The following PTPRN2 variants were observed in gnomAD, a reference collection of about 807,000 sequenced individuals.
PTPRN2 encodes the protein receptor-type tyrosine-protein phosphatase N2.
In PTPRN2, 74 loss-of-function variants were observed where a neutral mutation model predicts 118.8. The ratio of observed to expected loss-of-function variants is 0.62; its 90% CI spans 0.52 to 0.76. The LOEUF (loss-of-function observed/expected upper bound fraction) is 0.76, where lower values mean the gene tolerates loss of function less well. Ranked by LOEUF, PTPRN2 falls within the 30% of genes least tolerant of loss-of-function variation. The probability of loss-of-function intolerance (pLI) is 0.00; values close to 1 mark genes in which losing one functional copy is unlikely to be tolerated. For missense variants in PTPRN2, 1,481 were observed against 1,394.4 expected, an observed-to-expected ratio of 1.06 and a Z score of -0.99; for synonymous variants, 641 against 608.0, an observed-to-expected ratio of 1.05 and a Z score of -0.80.
chr7:157,927,832 G>C (rs960522875), intron 11 of PTPRN2, among the ~76,000 whole-genome samples: 4 of 152,116 alleles, frequency 2.6e-5, no homozygotes, highest in African/African-American at 9.7e-5. Context: ...AGGCTGAGCA[G>C]ACTGGGATGT....
intron 5 of PTPRN2, among the ~76,000 whole-genome samples, chr7:158,190,152 C>T (rs1198080150): frequency 2.0e-5 from 3 of 152,200 alleles, no homozygotes; most frequent in African/African-American, 7.2e-5. Flanking sequence ...CCATGAGGAG[C>T]TTCACACGTG....
chr7:158,277,368 C>T (rs1321867496), intron 3 of PTPRN2, among the ~76,000 whole-genome samples: 1 of 152,218 alleles, frequency 6.6e-6, no homozygotes, highest in Non-Finnish European at 1.5e-5. Flanking sequence ...ATGCTGAAGA[C>T]CACAGAGGAA....
At chr7:157,796,806 G>T (rs1025669017) in intron 12 of PTPRN2, among the ~76,000 whole-genome samples, 30 of 152,204 alleles carry the variant, frequency 2.0e-4, no homozygotes, top group African/African-American at 6.7e-4. Flanking sequence ...TAAACACACG[G>T]GTCTCAGAAA....
At chr7:157,926,243 C>A (rs540093572) in intron 11 of PTPRN2, among the ~76,000 whole-genome samples, 1 of 152,184 alleles carries the variant, frequency 6.6e-6, no homozygotes, top group Admixed American at 6.5e-5. Context: ...TAAACCAGAG[C>A]CACAGTATGC....
In PTPRN2 at chr7:157,842,403, C is replaced by G. The variant is rs893097939; in HGVS notation, c.1788+56270G>C. Among the ~76,000 whole-genome samples, 4 of 142,176 alleles carry G rather than the reference C, an allele frequency of 2.8e-5. No homozygotes were observed. The Admixed American group carries it at 3.0e-4, about 11-fold the overall frequency. The allele number at this position is 142,176 out of a possible 152,430, so 93.3% of individuals were successfully genotyped here. A position where few individuals can be genotyped will look rare whatever the true frequency, so the allele number is the denominator to read the frequency against. ...TCAAATGCCGCTTTGTGTGCAGATT[C>G]AGGAGACTTTTTTTTTTTTTTTTTT... On this transcript the variant is annotated intron_variant, in intron 12 of 22. Coordinates refer to ENST00000389418, the MANE Select transcript of PTPRN2 (RefSeq NM_002847.5).
intron 11 of PTPRN2, among the ~76,000 whole-genome samples, chr7:158,008,269 C>T (rs1364939392): frequency 2.6e-5 from 4 of 152,122 alleles, no homozygotes; most frequent in Non-Finnish European, 5.9e-5. Flanking sequence ...ATTACACCCA[C>T]CAAAATTTCT....
At chr7:158,381,336 C>T (rs566561119) in intron 2 of PTPRN2, among the ~76,000 whole-genome samples, 22 of 152,290 alleles carry the variant, frequency 1.4e-4, no homozygotes, top group South Asian at 1.2e-3. Flanking sequence ...AAATTTCTTC[C>T]GCCACATACC....
At position 157,802,186 on chromosome 7, in the gene PTPRN2, G is replaced by T. The variant is rs544259311; in HGVS notation, c.1788+96487C>A. On this transcript the variant is annotated intron_variant, in intron 12 of 22. Transcript: ENST00000389418. The stretch of plus-strand genomic sequence containing the variant: ...CAACCGTACGGCAGATGTCGAGACC[G>T]CGTTGAGGCCGCGTCGCTGAAACCT... 3.9e-5 allele frequency among the ~76,000 whole-genome samples: 6 copies of T among 152,318 alleles called. No homozygotes were observed. In the East Asian group the frequency reaches 1.2e-3, roughly 29 times the overall value.
Position 158,336,651 on chromosome 7 carries a change from G to A in PTPRN2, c.164-19719C>T, listed in dbSNP as rs1320658972. Among the ~76,000 whole-genome samples, 40 of 57,118 alleles carry A rather than the reference G, an allele frequency of 7.0e-4. 1 individual carries two copies. The highest frequency in any genetic ancestry group is 2.8e-3 in the African/African-American group (30 of 10,800). The allele number at this position is 57,118 out of a possible 152,430, so 37.5% of individuals were successfully genotyped here. ...ATGCAGACGTCACTCACACCCACACGTCACTCACACCCACACTCTCACCAT... is the reference window on the plus strand; with the variant it reads ...ATGCAGACGTCACTCACACCCACACATCACTCACACCCACACTCTCACCAT... On this transcript the variant is annotated intron_variant, in intron 2 of 22. Coordinates refer to ENST00000389418, the MANE Select transcript of PTPRN2 (RefSeq NM_002847.5).
At chr7:158,328,786 C>A (rs1241603490) in intron 2 of PTPRN2, among the ~76,000 whole-genome samples, 1 of 116,510 alleles carries the variant, frequency 8.6e-6, no homozygotes, top group Admixed American at 8.6e-5. Flanking sequence ...AGGAGCGGGG[C>A]CTCCATTCCC....
chr7:158,073,673 T>C (rs1353057579), intron 11 of PTPRN2, among the ~76,000 whole-genome samples: 1 of 151,270 alleles, frequency 6.6e-6, no homozygotes, highest in Non-Finnish European at 1.5e-5. Flanking sequence ...CTACCCTTTC[T>C]ATGCGGAGAT....
intron 11 of PTPRN2, among the ~76,000 whole-genome samples, chr7:158,058,618 C>T (rs1192100517): frequency 7.6e-5 from 7 of 92,462 alleles, no homozygotes; most frequent in African/African-American, 1.4e-4. Context: ...CATCTGCCCA[C>T]GGTGACACAT....
At chr7:157,767,491 G>A (rs960526530) in intron 12 of PTPRN2, among the ~76,000 whole-genome samples, 2 of 152,188 alleles carry the variant, frequency 1.3e-5, no homozygotes, top group Admixed American at 6.5e-5. Flanking sequence ...AGTCCTCACA[G>A]TCACACCCTG....
chr7:158,370,021 A>G (rs1012164804), intron 2 of PTPRN2, among the ~76,000 whole-genome samples: 2 of 152,174 alleles, frequency 1.3e-5, no homozygotes, highest in Non-Finnish European at 2.9e-5. Context: ...CCTCAGTCAC[A>G]CGAAAGCCAC....
At chr7:158,394,649 G>A (rs1211634341) in intron 2 of PTPRN2, among the ~76,000 whole-genome samples, 1 of 152,262 alleles carries the variant, frequency 6.6e-6, no homozygotes, top group East Asian at 1.9e-4. Flanking sequence ...ACTCATTGAT[G>A]AGGGGAGCAG....
rs937828505 is a variant in PTPRN2, at chr7:157,632,324, T to C, written c.2197-10815A>G. On this transcript the variant is annotated intron_variant, in intron 14 of 22. Coordinates refer to ENST00000389418, the MANE Select transcript of PTPRN2 (RefSeq NM_002847.5). This position sits in a 1 kb window ranked among gnomAD's most constrained non-coding sequence, Gnocchi z 4.3. ...CACCAACGCCTGGTGATCCTCGATT[T>C]CAGTTTATGACTTCCACTAAACTTC... Among the ~76,000 whole-genome samples, 10 of 152,190 alleles carry C rather than the reference T, an allele frequency of 6.6e-5. No homozygotes were observed. Among genetic ancestry groups the C allele is most frequent in the African/African-American group, 2.4e-4 (10 of 41,452 alleles).
Position 157,562,053 on chromosome 7 carries a change from C to G in PTPRN2, c.2902+6849G>C, listed in dbSNP as rs1056301703. ...ATGCACCCTGGGGAGGGGAAGGGTG[C>G]GCCCCCCACGCCACAGAAAAGAACC... On this transcript the variant is annotated intron_variant, in intron 21 of 22. Coordinates refer to ENST00000389418, the MANE Select transcript of PTPRN2 (RefSeq NM_002847.5). 3.1e-4 allele frequency among the ~76,000 whole-genome samples: 47 copies of G among 152,262 alleles called. No individual in the cohort carries two copies. In the East Asian group the frequency reaches 8.5e-3, roughly 28 times the overall value.
At chr7:158,080,553 C>G (rs971097433) in intron 11 of PTPRN2, among the ~76,000 whole-genome samples, 1 of 145,426 alleles carries the variant, frequency 6.9e-6, no homozygotes, top group Non-Finnish European at 1.5e-5. Flanking sequence ...TTAAACAATA[C>G]ACTCTACAAG....
chr7:158,206,994 T>A (rs1169286086), intron 3 of PTPRN2, among the ~76,000 whole-genome samples: 2 of 131,772 alleles, frequency 1.5e-5, no homozygotes, highest in Non-Finnish European at 3.2e-5. Context: ...GAGTGTGATG[T>A]TCCCCTTCCT....
Sources: allele counts gnomAD v4.1 joint callset (sites outside exome capture counted in the v4.1 genomes callset), GRCh38; gene constraint gnomAD v4.1.1; non-coding constraint Gnocchi (gnomAD v3.1); transcripts MANE v1.5; gene names NCBI Gene and HGNC (gene_info 2026-07-23, HGNC 2026-07-21).